The following NDUFV2 variants were observed in gnomAD, a reference collection of about 807,000 sequenced individuals.
NDUFV2 encodes NADH dehydrogenase [ubiquinone] flavoprotein 2, mitochondrial.
Under a neutral mutation model 31.6 loss-of-function variants are expected in NDUFV2, and 18 were observed. That is an observed-to-expected ratio of 0.57 (90% CI 0.39 to 0.84). The LOEUF (loss-of-function observed/expected upper bound fraction) is 0.84, where lower values mean the gene tolerates loss of function less well. Ranked by LOEUF, NDUFV2 falls within the 40% of genes least tolerant of loss-of-function variation. The pLI, the probability that NDUFV2 is intolerant of heterozygous loss-of-function variation, is 0.00. For missense variants in NDUFV2, 314 were observed against 303.6 expected (o/e 1.03, Z -0.26); for synonymous variants, 83 against 99.8 (o/e 0.83, Z 1.01).
At chr18:9,132,690 C>T (rs2078050351) in intron 7 of NDUFV2, among the ~76,000 whole-genome samples, 1 of 152,130 alleles carries the variant, frequency 6.6e-6, no homozygotes, top group Admixed American at 6.5e-5. Flanking sequence ...GCCAGGGCAA[C>T]ATGGTGAGGT....
intron 1 of NDUFV2, among the ~76,000 whole-genome samples, chr18:9,117,235 C>T (rs182238838): frequency 6.0e-4 from 92 of 152,144 alleles, no homozygotes; most frequent in Non-Finnish European, 8.5e-4. Context: ...TGGGGTTTTA[C>T]CATGTTGGCC....
At chr18:9,125,393 A>T (rs2077980314) in intron 6 of NDUFV2, among the ~76,000 whole-genome samples, 3 of 152,184 alleles carry the variant, frequency 2.0e-5, no homozygotes, top group Admixed American at 2.0e-4. Context: ...AACCATTATC[A>T]TAAATTGTGT....
chr18:9,119,819 G>A (rs1263865230), intron 4 of NDUFV2, among the ~76,000 whole-genome samples: 1 of 151,856 alleles, frequency 6.6e-6, no homozygotes, highest in Admixed American at 6.6e-5. Flanking sequence ...GGTGAAAGAG[G>A]GTATGTGTTT....
chr18:9,119,176 A>G, intron 2 of NDUFV2, 150 bp from the exon 3 acceptor site: 1 of 682,276 alleles, frequency 1.5e-6, no homozygotes, highest in Non-Finnish European at 2.6e-6. Flanking sequence ...GTGTGTTTAG[A>G]CATTCTTTTT....
At chr18:9,111,171 G>T (rs1412538972) in intron 1 of NDUFV2, among the ~76,000 whole-genome samples, 1 of 152,144 alleles carries the variant, frequency 6.6e-6, no homozygotes, top group Non-Finnish European at 1.5e-5. Context: ...CATGGCCTTT[G>T]TAATCATCTG....
At chr18:9,118,405 A>C (rs1417151820) in intron 2 of NDUFV2, among the ~76,000 whole-genome samples, 1 of 152,100 alleles carries the variant, frequency 6.6e-6, no homozygotes, top group Non-Finnish European at 1.5e-5. Context: ...CCCTTTTCTG[A>C]CAAGGTGCTG....
In NDUFV2 at chr18:9,122,588, C is replaced by T; in HGVS notation, c.376C>T (p.Pro126Ser). Reference protein sequence around the residue: ...ATFYTMYNRKPVGKYHIQVCT... With the variant: ...ATFYTMYNRKSVGKYHIQVCT... ...TTTTTATACAATGTATAATCGAAAGCCAGTTGGAAAGTATCACATTCAGGT... is the reference window on the plus strand; with the variant it reads ...TTTTTATACAATGTATAATCGAAAGTCAGTTGGAAAGTATCACATTCAGGT... Residue 126 changes from proline (P) to serine (S), a missense_variant, in exon 5 of 8, where the codon CCA (proline) becomes TCA (serine). Physicochemically the swap from Pro to Ser is moderately conservative, Grantham distance 74 (BLOSUM62 -1). Coordinates refer to ENST00000318388, the MANE Select transcript of NDUFV2 (RefSeq NM_021074.5). 6.2e-7 allele frequency: 1 copy of T among 1,613,980 alleles called. No individual in the cohort carries two copies. The highest frequency in any genetic ancestry group is 8.5e-7 in the Non-Finnish European group (1 of 1,179,922).
At chr18:9,115,415 G>T (rs2077893228) in intron 1 of NDUFV2, among the ~76,000 whole-genome samples, 1 of 151,966 alleles carries the variant, frequency 6.6e-6, no homozygotes, top group Non-Finnish European at 1.5e-5. Context: ...AGAATTATTA[G>T]TATTTAGTTA....
intron 6 of NDUFV2, 48 bp downstream of exon 6, chr18:9,125,031 A>T: frequency 6.4e-7 from 1 of 1,558,942 alleles, no homozygotes; most frequent in Non-Finnish European, 8.8e-7. Context: ...TGTCATATTT[A>T]AAACATTTTA....
intron 7 of NDUFV2, among the ~76,000 whole-genome samples, chr18:9,129,122 G>T (rs1314322697): frequency 6.6e-6 from 1 of 152,146 alleles, no homozygotes; most frequent in African/African-American, 2.4e-5. Context: ...TGTATTTTTA[G>T]TAGAGACGGG....
chr18:9,103,587 A>G (rs1434203358), intron 1 of NDUFV2: 1 of 156,492 alleles, frequency 6.4e-6, no homozygotes, highest in African/African-American at 2.4e-5. Context: ...CTAAGAGTGA[A>G]ATAGGTTAAG....
At chr18:9,117,535 A>G (rs960537986) in intron 1 of NDUFV2, 2 of 342,030 alleles carry the variant, frequency 5.8e-6, no homozygotes, top group South Asian at 6.7e-5. Context: ...TTAATAGTAC[A>G]TTAATTCTCC....
At chr18:9,122,349 T>C (rs746157331) in intron 4 of NDUFV2, among the ~76,000 whole-genome samples, 164 bp from the exon 5 acceptor site, 13 of 152,176 alleles carry the variant, frequency 8.5e-5, no homozygotes, top group Non-Finnish European at 1.6e-4. Flanking sequence ...AATTGAAGAG[T>C]TTATATCTCC....
rs874250 is a variant in NDUFV2 at position 9,119,158 on chromosome 18, T to C, written c.121-168T>C. Among the ~76,000 whole-genome samples, 120,087 of 152,000 alleles carry C rather than the reference T, an allele frequency of 0.79. 47,648 individuals carry two copies. Among genetic ancestry groups the C allele is most frequent in the Middle Eastern group, 0.88 (260 of 294 alleles). The stretch of plus-strand genomic sequence containing the variant: ...CTAACTTTACTTTGGTAATCATACT[T>C]ATCAAATGTGTGTTTAGACATTCTT... On this transcript the variant is annotated intron_variant, in intron 2 of 7. Coordinates refer to ENST00000318388, the MANE Select transcript of NDUFV2 (RefSeq NM_021074.5).
rs747954229 is a variant in NDUFV2, at chr18:9,119,419, A to T, written c.183+31A>T. ...GCTAAATTAACATTATAATTAATTTACCAAATAGGTAATATTTTCTAGATG... is the reference window on the plus strand; with the variant it reads ...GCTAAATTAACATTATAATTAATTTTCCAAATAGGTAATATTTTCTAGATG... On this transcript the variant is annotated intron_variant, in intron 3 of 7. Coordinates refer to ENST00000318388, the MANE Select transcript of NDUFV2 (RefSeq NM_021074.5). 5 of 1,603,584 alleles carry T rather than the reference A, an allele frequency of 3.1e-6. No individual in the cohort carries two copies. The African/African-American group carries it at 5.4e-5, about 17-fold the overall frequency.
chr18:9,116,123 T>G (rs1041363816), intron 1 of NDUFV2, among the ~76,000 whole-genome samples: 1 of 152,232 alleles, frequency 6.6e-6, no homozygotes, highest in African/African-American at 2.4e-5. Flanking sequence ...ATTTATGATC[T>G]CTTCAGGCTA....
intron 1 of NDUFV2, among the ~76,000 whole-genome samples, chr18:9,109,789 A>G (rs981861023): frequency 6.6e-6 from 1 of 152,200 alleles, no homozygotes; most frequent in Non-Finnish European, 1.5e-5. Flanking sequence ...ATCGACGAAA[A>G]AAAGTATGTA....
intron 7 of NDUFV2, among the ~76,000 whole-genome samples, chr18:9,129,528 A>G (rs1012785355): frequency 2.0e-5 from 3 of 152,194 alleles, no homozygotes; most frequent in African/African-American, 7.2e-5. Flanking sequence ...TGAGTGATAA[A>G]AAGGCTACAC....
chr18:9,105,905 T>A (rs2077839440), intron 1 of NDUFV2, among the ~76,000 whole-genome samples: 1 of 152,242 alleles, frequency 6.6e-6, no homozygotes, highest in South Asian at 2.1e-4. Flanking sequence ...GTTGATTTTT[T>A]TCTTGAAAAT....
Sources: allele counts gnomAD v4.1 joint callset (sites outside exome capture counted in the v4.1 genomes callset), GRCh38; gene constraint gnomAD v4.1.1; transcripts MANE v1.5; gene names NCBI Gene and HGNC (gene_info 2026-07-23, HGNC 2026-07-21).